ARHGEF12: variants seen among roughly 807,000 people sequenced by gnomAD.
The protein encoded by ARHGEF12 is KMT2A/ARHGEF12 fusion protein.
In ARHGEF12, 66 loss-of-function variants were observed where a neutral mutation model predicts 211.2. That is an observed-to-expected ratio of 0.31 (90% CI 0.26 to 0.38). The LOEUF (loss-of-function observed/expected upper bound fraction) is 0.38. ARHGEF12 is among the 10% of genes least tolerant of loss of function. The pLI, the probability that ARHGEF12 is intolerant of heterozygous loss-of-function variation, is 1.00. For missense variants in ARHGEF12, 1,429 were observed against 1,869.5 expected (o/e 0.76, Z 4.34); for synonymous variants, 592 against 638.4 (o/e 0.93, Z 1.09).
chr11:120,453,531 G>A (rs757215368), intron 22 of ARHGEF12, among the ~76,000 whole-genome samples: 10 of 152,234 alleles, frequency 6.6e-5, no homozygotes, highest in South Asian at 2.1e-4. Flanking sequence ...ACCAGCCAGG[G>A]CAACATGAAA....
chr11:120,421,072 GA>G (rs1282926173), intron 5 of ARHGEF12, among the ~76,000 whole-genome samples: 2 of 152,116 alleles, frequency 1.3e-5, no homozygotes, highest in Non-Finnish European at 2.9e-5. Context: ...TTTAGTTTTA[GA>G]AATCATGTGA....
chr11:120,447,957 G>GT, intron 19 of ARHGEF12, 51 bp downstream of exon 19: 2 of 1,371,800 alleles, frequency 1.5e-6, no homozygotes, highest in South Asian at 1.4e-5. Context: ...AAAGAACTAT[G>GT]TTTTTTTCCT....
Position 120,488,607 on chromosome 11 carries a change from G to A in ARHGEF12, c.*3530G>A. On this transcript the variant is annotated 3_prime_UTR_variant, in exon 41 of 41. Coordinates refer to ENST00000397843, the MANE Select transcript of ARHGEF12 (RefSeq NM_015313.3). ...TAGGAAAAAAAAGTACCTCCTAGAA[G>A]GAAGCCTTCCCCACCATTTCCAGGT... 1 of 219,740 alleles carries A rather than the reference G, an allele frequency of 4.6e-6. No individual in the cohort carries two copies. Among genetic ancestry groups the A allele is most frequent in the Non-Finnish European group, 9.1e-6 (1 of 109,324 alleles). The allele number at this position is 219,740 out of a possible 1,614,324, so 13.6% of individuals were successfully genotyped here.
At chr11:120,443,811 A>G (rs2135797446) in intron 15 of ARHGEF12, among the ~76,000 whole-genome samples, 5 of 152,344 alleles carry the variant, frequency 3.3e-5, no homozygotes, top group Middle Eastern at 6.8e-3. Context: ...AAAAAATGAA[A>G]CAATTTTTTA....
intron 11 of ARHGEF12, 141 bp downstream of exon 11, chr11:120,432,052 C>A: frequency 2.6e-6 from 2 of 779,682 alleles, no homozygotes; most frequent in Non-Finnish European, 3.6e-6. Context: ...ATTTGATAAA[C>A]AGAAATCTGG....
intron 1 of ARHGEF12, chr11:120,338,015 A>G (rs1338678896): frequency 2.1e-5 from 13 of 625,544 alleles, no homozygotes; most frequent in Non-Finnish European, 2.6e-5. Context: ...TATAGCACCT[A>G]CCAGTGTTGC....
At chr11:120,423,036 A>C (rs935446943) in intron 6 of ARHGEF12, among the ~76,000 whole-genome samples, 1 of 152,194 alleles carries the variant, frequency 6.6e-6, no homozygotes, top group African/African-American at 2.4e-5. Context: ...ATATCCTTAA[A>C]TTTAAAGAAC....
chr11:120,474,517 G>T (rs900229332), intron 31 of ARHGEF12, 43 bp from the exon 32 acceptor site: 1 of 1,420,770 alleles, frequency 7.0e-7, no homozygotes, highest in Admixed American at 1.8e-5. Context: ...ATGTTACTGA[G>T]TGCTTGGAAA....
At chr11:120,428,826 G>T (rs1945436374) in intron 8 of ARHGEF12, among the ~76,000 whole-genome samples, 1 of 152,120 alleles carries the variant, frequency 6.6e-6, no homozygotes, top group Non-Finnish European at 1.5e-5. Flanking sequence ...TGGTTGGTTG[G>T]TGCCTGTTAA....
chr11:120,401,062 T>C (rs1170045550), intron 1 of ARHGEF12, among the ~76,000 whole-genome samples: 1 of 152,204 alleles, frequency 6.6e-6, no homozygotes, highest in Non-Finnish European at 1.5e-5. Context: ...AACTAGTGTT[T>C]TAATGCCAGC....
At position 120,381,921 on chromosome 11, in the gene ARHGEF12, T is replaced by C. The variant is rs976222010; in HGVS notation, c.33-24197T>C. ...ATGATACAGTCTTTGGATTTTTCCA[T>C]GTAGTAAAATACATGAAAAATCCAA... On this transcript the variant is annotated intron_variant, in intron 1 of 40. Transcript: ENST00000397843. Among the ~76,000 whole-genome samples, 4 of 152,298 alleles carry C rather than the reference T, an allele frequency of 2.6e-5. No individual in the cohort carries two copies. In the East Asian group the frequency reaches 7.7e-4, roughly 29 times the overall value.
chr11:120,399,473 C>T (rs1040008292), intron 1 of ARHGEF12, among the ~76,000 whole-genome samples: 1 of 151,532 alleles, frequency 6.6e-6, no homozygotes, highest in Non-Finnish European at 1.5e-5. Context: ...GATTTTTTGG[C>T]AAATCCTTGT....
chr11:120,480,292 A>G lies in ARHGEF12; in HGVS notation c.4099A>G (p.Thr1367Ala). The change falls in exon 38 of 41, where the codon ACC (threonine) becomes GCC (alanine). Residue 1367 changes from threonine (T) to alanine (A), a missense_variant. Around this residue, in one of 7 missense-constraint regions of ARHGEF12, gnomAD observed 467 missense variants for 468.4 expected, o/e 1.00. Transcript: ENST00000397843. ...CATGATTATGACCCCAGAGATGCCTACCATGGAGCCAGAAGGGGGTCTTGA... is the reference window on the plus strand; with the variant it reads ...CATGATTATGACCCCAGAGATGCCTGCCATGGAGCCAGAAGGGGGTCTTGA... ...DHMIMTPEMP[T>A]MEPEGGLDDS... is the part of the protein sequence containing the mutation. The G allele has an allele frequency of 6.2e-7, 1 of 1,614,212 alleles. No homozygotes were observed. The highest frequency in any genetic ancestry group is 8.5e-7 in the Non-Finnish European group (1 of 1,180,040).
At position 120,486,321 on chromosome 11, in the gene ARHGEF12, C is replaced by T; in HGVS notation, c.*1244C>T. 4.3e-6 allele frequency: 1 copy of T among 233,338 alleles called. No individual in the cohort carries two copies. The highest frequency in any genetic ancestry group is 8.5e-6 in the Non-Finnish European group (1 of 117,840). 14.5% of individuals were successfully genotyped at this position (233,338 alleles called of 1,614,324 possible). A position where few individuals can be genotyped will look rare whatever the true frequency, so the allele number is the denominator to read the frequency against. On this transcript the variant is annotated 3_prime_UTR_variant, in exon 41 of 41. Transcript: ENST00000397843. Reference sequence around the variant, plus strand: ...GTGAAGGCAGAACTGCTCACACCAGCTCCAGAAGCACGTCCTCTGACTTCA... The same window carrying T: ...GTGAAGGCAGAACTGCTCACACCAGTTCCAGAAGCACGTCCTCTGACTTCA...
At chr11:120,393,786 G>A (rs2135509782) in intron 1 of ARHGEF12, among the ~76,000 whole-genome samples, 1 of 151,968 alleles carries the variant, frequency 6.6e-6, no homozygotes, top group East Asian at 1.9e-4. Flanking sequence ...AGGATATAGA[G>A]TACTTAAACA....
intron 1 of ARHGEF12, among the ~76,000 whole-genome samples, chr11:120,363,054 C>T (rs571927776): frequency 2.8e-4 from 43 of 151,910 alleles, no homozygotes; most frequent in African/African-American, 9.9e-4. Flanking sequence ...GAGCTGAGAT[C>T]GCACCACTGC....
At chr11:120,449,376 T>G in intron 21 of ARHGEF12, 162 bp downstream of exon 21, 1 of 607,574 alleles carries the variant, frequency 1.6e-6, no homozygotes. Context: ...CTGAACTAAG[T>G]ACCCCCTATG....
At chr11:120,349,278 A>G (rs1189639933) in intron 1 of ARHGEF12, among the ~76,000 whole-genome samples, 3 of 152,216 alleles carry the variant, frequency 2.0e-5, no homozygotes, top group Non-Finnish European at 4.4e-5. Context: ...AACCAGGTAC[A>G]ATTCTGTTTC....
At chr11:120,395,189 A>T (rs112367711) in intron 1 of ARHGEF12, among the ~76,000 whole-genome samples, 1,869 of 152,060 alleles carry the variant, frequency 0.012, 41 homozygotes, top group African/African-American at 0.043. Flanking sequence ...ATGTAAATAT[A>T]TATTACATAT....
Sources: allele counts gnomAD v4.1 joint callset (sites outside exome capture counted in the v4.1 genomes callset), GRCh38; gene constraint gnomAD v4.1.1; regional missense constraint gnomAD v4.1.1; transcripts MANE v1.5; gene names NCBI Gene and HGNC (gene_info 2026-07-23, HGNC 2026-07-21).